DAB1: variants seen among roughly 807,000 people sequenced by gnomAD.
The protein encoded by DAB1 is disabled homolog 1.
Under a neutral mutation model 64.6 loss-of-function variants are expected in DAB1, and 15 were observed. The ratio of observed to expected loss-of-function variants is 0.23; its 90% CI spans 0.16 to 0.36. DAB1 has a LOEUF of 0.36. Among genes scored for constraint, DAB1 ranks in the 10% least tolerant of loss-of-function variants. DAB1 has a pLI of 1.00. For synonymous variants in DAB1, 235 were observed against 251.9 expected (o/e 0.93, Z 0.64); for missense variants, 596 against 706.7 (o/e 0.84, Z 1.78).
chr1:57,871,192 T>G (rs1219856034), intron 1 of DAB1, among the ~76,000 whole-genome samples: 1 of 152,114 alleles, frequency 6.6e-6, no homozygotes, highest in Non-Finnish European at 1.5e-5. Flanking sequence ...TAACATCTGA[T>G]GACAGAAATG....
At chr1:57,816,137 C>A (rs555072790) in intron 6 of DAB1, among the ~76,000 whole-genome samples, 2 of 152,270 alleles carry the variant, frequency 1.3e-5, no homozygotes, top group African/African-American at 4.8e-5. Flanking sequence ...TCTGGGAGAT[C>A]CATAAACAGT....
chr1:57,703,427 T>C lies in DAB1; in HGVS notation n.552-53762A>G, dbSNP rs145202465. On this transcript the variant is annotated intron_variant and non_coding_transcript_variant, in intron 6 of 20. Transcript: ENST00000485760. ...GACATACATGCATCCAACAATCATGTGGAAAGAAGCTCAGAATCACAGATC... is the reference window on the plus strand; with the variant it reads ...GACATACATGCATCCAACAATCATGCGGAAAGAAGCTCAGAATCACAGATC... 2.6e-5 allele frequency among the ~76,000 whole-genome samples: 4 copies of C among 152,258 alleles called. No homozygotes were observed. In the East Asian group the frequency reaches 7.7e-4, roughly 29 times the overall value.
At chr1:57,497,225 C>T (rs1490102429) in intron 7 of DAB1, among the ~76,000 whole-genome samples, 2 of 152,174 alleles carry the variant, frequency 1.3e-5, no homozygotes, top group East Asian at 3.8e-4. Context: ...CTACTATTTT[C>T]TTTATAGCAC....
At chr1:57,815,941 T>C (rs998470665) in intron 6 of DAB1, among the ~76,000 whole-genome samples, 1 of 152,218 alleles carries the variant, frequency 6.6e-6, no homozygotes, top group African/African-American at 2.4e-5. Flanking sequence ...ACATAGTAGC[T>C]GTTCAATAAA....
At chr1:57,277,717 A>T (rs1004388339) in intron 2 of DAB1, among the ~76,000 whole-genome samples, 4 of 152,188 alleles carry the variant, frequency 2.6e-5, no homozygotes, top group Admixed American at 6.5e-5. Flanking sequence ...CCTTTTTAGG[A>T]TCACATAATA....
chr1:57,704,906 CTTCCTT>C lies in DAB1; in HGVS notation n.552-55247_552-55242del, dbSNP rs1158752132. 2.6e-5 allele frequency among the ~76,000 whole-genome samples: 4 copies of C among 151,492 alleles called. No individual in the cohort carries two copies. The East Asian group carries it at 7.7e-4, about 29-fold the overall frequency. The stretch of plus-strand genomic sequence containing the variant: ...CCTTCCTTCCTTCCTTCCTTCCTTC[CTTCCTT>C]TTCATCTTTCCTTCCTTCCTTTCTT... On this transcript the variant is annotated intron_variant and non_coding_transcript_variant, in intron 6 of 20. Coordinates refer to the DAB1 transcript ENST00000485760.
At chr1:57,738,335 C>T (rs1010073382) in intron 6 of DAB1, among the ~76,000 whole-genome samples, 3 of 152,118 alleles carry the variant, frequency 2.0e-5, no homozygotes, top group Non-Finnish European at 4.4e-5. Context: ...TTGCTGGTCT[C>T]CAGTTTCCCC....
chr1:57,106,307 T>C (rs561503), intron 4 of DAB1, among the ~76,000 whole-genome samples: 120,347 of 149,704 alleles, frequency 0.8, 48,582 homozygotes, highest in East Asian at 0.98. Context: ...GGGGAATTTT[T>C]AGTTCCTTTA....
chr1:57,218,662 G>A (rs59936138), intron 2 of DAB1, among the ~76,000 whole-genome samples: 3,080 of 152,062 alleles, frequency 0.02, 92 homozygotes, highest in African/African-American at 0.069. Context: ...GAACCAGGGT[G>A]ACAGAGCATA....
At chr1:57,828,237 G>T (rs2101901688) in intron 1 of DAB1, among the ~76,000 whole-genome samples, 1 of 152,310 alleles carries the variant, frequency 6.6e-6, no homozygotes, top group South Asian at 2.1e-4. Context: ...GAGCCACCAT[G>T]CCTGGCCGAT....
intron 9 of DAB1, among the ~76,000 whole-genome samples, chr1:57,061,852 C>T (rs894238981): frequency 2.0e-5 from 3 of 152,078 alleles, no homozygotes; most frequent in Non-Finnish European, 4.4e-5. Context: ...CCAGGTAGAA[C>T]GATTTTAGCC....
chr1:58,302,822 A>G (rs1662205249), intron 4 of DAB1, among the ~76,000 whole-genome samples: 1 of 152,110 alleles, frequency 6.6e-6, no homozygotes. Flanking sequence ...TTTCATTACT[A>G]TTTTTTTAAA....
intron 1 of DAB1, among the ~76,000 whole-genome samples, chr1:57,336,797 A>G (rs551612651): frequency 4.7e-4 from 71 of 152,254 alleles, no homozygotes; most frequent in African/African-American, 1.7e-3. Context: ...TTTGTTATTT[A>G]TATGTGTTGT....
intron 3 of DAB1, among the ~76,000 whole-genome samples, chr1:58,371,253 T>C (rs994555077): frequency 6.6e-6 from 1 of 152,204 alleles, no homozygotes; most frequent in Non-Finnish European, 1.5e-5. Context: ...TGCTATGCTT[T>C]AGAAAAGAGA....
At chr1:57,892,880 A>G (rs1644338106) in intron 5 of DAB1, among the ~76,000 whole-genome samples, 1 of 152,144 alleles carries the variant, frequency 6.6e-6, no homozygotes, top group East Asian at 1.9e-4. Context: ...AGAACTTAGC[A>G]ACTTTTCCAA....
intron 7 of DAB1, among the ~76,000 whole-genome samples, chr1:57,463,876 G>A (rs1686870087): frequency 6.6e-6 from 1 of 152,130 alleles, no homozygotes; most frequent in African/African-American, 2.4e-5. Context: ...TCTACAAAGA[G>A]CTGATAATTT....
Position 58,237,729 on chromosome 1 carries a change from C to G in DAB1, n.310-87141G>C, listed in dbSNP as rs534142431. Among the ~76,000 whole-genome samples the G allele has an allele frequency of 3.3e-5, 5 of 152,218 alleles. No homozygotes were observed. The East Asian group carries it at 7.7e-4, about 24-fold the overall frequency. On this transcript the variant is annotated intron_variant and non_coding_transcript_variant, in intron 4 of 20. Coordinates refer to the DAB1 transcript ENST00000485760. ...CTATCAATTTCTGTCTATTTTCATTCCTCTTCTGCAGCCACTGGTGGCTTC... is the reference window on the plus strand; with the variant it reads ...CTATCAATTTCTGTCTATTTTCATTGCTCTTCTGCAGCCACTGGTGGCTTC...
intron 3 of DAB1, among the ~76,000 whole-genome samples, chr1:58,417,198 G>C: frequency 6.6e-6 from 1 of 152,132 alleles, no homozygotes; most frequent in East Asian, 1.9e-4. Context: ...GGACCACTTA[G>C]GAGTCTTTGG....
At chr1:57,946,846 T>C (rs940030530) in intron 5 of DAB1, among the ~76,000 whole-genome samples, 8 of 152,214 alleles carry the variant, frequency 5.3e-5, no homozygotes, top group African/African-American at 1.9e-4. Flanking sequence ...TCAGTTGGAA[T>C]GTGCCATATG....
Sources: allele counts gnomAD v4.1 joint callset (sites outside exome capture counted in the v4.1 genomes callset), GRCh38; gene constraint gnomAD v4.1.1; transcripts MANE v1.5; gene names NCBI Gene and HGNC (gene_info 2026-07-23, HGNC 2026-07-21).